The following ARHGAP28 variants were observed in gnomAD, a reference collection of about 807,000 sequenced individuals.
ARHGAP28 encodes the protein rho GTPase-activating protein 28.
ARHGAP28 carries 56 observed loss-of-function variants against 90.7 expected under a neutral mutation model. That is an observed-to-expected ratio of 0.62 (90% confidence interval 0.50 to 0.77). The LOEUF (loss-of-function observed/expected upper bound fraction) is 0.77. Among genes scored for constraint, ARHGAP28 ranks in the 30% least tolerant of loss-of-function variants. ARHGAP28 has a pLI of 0.00. For synonymous variants in ARHGAP28, 308 were observed against 323.3 expected (o/e 0.95, Z 0.51); for missense variants, 869 against 900.9 (o/e 0.96, Z 0.45).
intron 1 of ARHGAP28, among the ~76,000 whole-genome samples, chr18:6,743,115 A>G (rs2055993653): frequency 6.6e-6 from 1 of 152,176 alleles, no homozygotes; most frequent in Admixed American, 6.5e-5. Context: ...GTGAGAAGGA[A>G]GAGAGAGAAG....
At chr18:6,871,652 G>A (rs2057090841) in intron 7 of ARHGAP28, among the ~76,000 whole-genome samples, 2 of 152,158 alleles carry the variant, frequency 1.3e-5, no homozygotes, top group South Asian at 2.1e-4. Flanking sequence ...AGTTTATCTT[G>A]TGGAGTCCTG....
intron 1 of ARHGAP28, among the ~76,000 whole-genome samples, chr18:6,802,380 C>G (rs1445013301): frequency 8.8e-6 from 1 of 113,308 alleles, no homozygotes; most frequent in Non-Finnish European, 1.7e-5. Context: ...GAGTCTCACT[C>G]TGTTGCCCAG....
intron 1 of ARHGAP28, among the ~76,000 whole-genome samples, chr18:6,818,154 T>C (rs1218074523): frequency 6.6e-6 from 1 of 152,160 alleles, no homozygotes; most frequent in East Asian, 1.9e-4. Flanking sequence ...TTTTACTGTT[T>C]AGGAAATGGA....
intron 1 of ARHGAP28, among the ~76,000 whole-genome samples, chr18:6,799,252 G>C (rs1600194855): frequency 6.6e-6 from 1 of 152,104 alleles, no homozygotes; most frequent in South Asian, 2.1e-4. Flanking sequence ...CAAAAAAATG[G>C]AAAAACATTC....
intron 1 of ARHGAP28, among the ~76,000 whole-genome samples, chr18:6,765,874 T>C (rs965178512): frequency 1.3e-5 from 2 of 152,230 alleles, no homozygotes; most frequent in African/African-American, 4.8e-5. Context: ...CTTTGACTTT[T>C]CAGGATATTT....
At chr18:6,850,938 A>G in intron 3 of ARHGAP28, 96 bp from the exon 4 acceptor site, 2 of 1,556,426 alleles carry the variant, frequency 1.3e-6, no homozygotes, top group East Asian at 2.3e-5. Flanking sequence ...GCAGCTGTAC[A>G]TATATATAAA....
At chr18:6,841,167 C>CCTCTCTCTCTCTCCTCTCTCTCTCTCT (rs2056811361) in intron 3 of ARHGAP28, among the ~76,000 whole-genome samples, 2 of 79,936 alleles carry the variant, frequency 2.5e-5, no homozygotes, top group Non-Finnish European at 5.2e-5. Flanking sequence ...TTCTCTCTCT[C>CCTCTCTCTCTCTCCTCTCTCTCTCTCT]CTCTCTCTCT....
intron 16 of ARHGAP28, 43 bp downstream of exon 16, chr18:6,896,669 C>G: frequency 1.2e-6 from 2 of 1,605,838 alleles, no homozygotes; most frequent in East Asian, 4.5e-5. Context: ...GAAGGAAAAA[C>G]CTTTATCAGA....
chr18:6,859,914 A>G lies in ARHGAP28; in HGVS notation c.726+17A>G, dbSNP rs974318015. 1.2e-6 allele frequency: 2 copies of G among 1,607,970 alleles called. No individual in the cohort carries two copies. Among genetic ancestry groups the G allele is most frequent in the Non-Finnish European group, 1.7e-6 (2 of 1,174,536 alleles). On this transcript the variant is annotated intron_variant, in intron 5 of 17. Coordinates refer to ENST00000383472, the MANE Select transcript of ARHGAP28 (RefSeq NM_001366230.1). ...GACTCTGTGGTAAGTCATCCATGTC[A>G]GCACAGTTACATGTCAAGGTACAGT... is the stretch of plus-strand genomic sequence containing the variant.
chr18:6,800,566 G>A (rs2056474601), intron 1 of ARHGAP28, among the ~76,000 whole-genome samples: 1 of 152,164 alleles, frequency 6.6e-6, no homozygotes, highest in African/African-American at 2.4e-5. Context: ...GCAGGGACAT[G>A]GATGAAGCTG....
chr18:6,782,592 A>ATTTTTTTTTTTTTTTTTT (rs10602816), intron 1 of ARHGAP28, among the ~76,000 whole-genome samples: 2 of 26,692 alleles, frequency 7.5e-5, no homozygotes, highest in African/African-American at 2.0e-4. Context: ...TAATTTTTGT[A>ATTTTTTTTTTTTTTTTTT]TTTTTTTTTT....
chr18:6,859,662 A>G, intron 4 of ARHGAP28, 146 bp from the exon 5 acceptor site: 1 of 774,834 alleles, frequency 1.3e-6, no homozygotes, highest in East Asian at 2.6e-5. Flanking sequence ...GTGCTGCACT[A>G]CCAGTTGGAT....
At chr18:6,870,471 T>C (rs990639175) in intron 6 of ARHGAP28, 119 bp from the exon 7 acceptor site, 6 of 1,058,356 alleles carry the variant, frequency 5.7e-6, no homozygotes, top group Non-Finnish European at 7.0e-6. Flanking sequence ...TCCTCGCATA[T>C]AAACACTGTA....
At chr18:6,910,740 C>T (rs936498577) in intron 17 of ARHGAP28, among the ~76,000 whole-genome samples, 2 of 152,076 alleles carry the variant, frequency 1.3e-5, no homozygotes, top group Admixed American at 6.6e-5. Context: ...AAACCCAGCC[C>T]CTAGAATAGT....
intron 4 of ARHGAP28, among the ~76,000 whole-genome samples, chr18:6,857,733 A>G (rs2056965068): frequency 6.6e-6 from 1 of 152,238 alleles, no homozygotes. Context: ...GGTGTTCTGC[A>G]AGGCAGAAGC....
intron 2 of ARHGAP28, among the ~76,000 whole-genome samples, chr18:6,826,432 G>C (rs1246996939): frequency 6.7e-6 from 1 of 149,624 alleles, no homozygotes; most frequent in East Asian, 2.0e-4. Flanking sequence ...TTGGTTGTCT[G>C]TTTACTCTGT....
In ARHGAP28 at chr18:6,870,577, G is replaced by A. The variant is rs2057075773; in HGVS notation, c.812-13G>A. ...GCATATTAAATAGTCTGTATTCTTTGTTTTGTCTTTAGATGATGATTTTCT... is the reference window on the plus strand; with the variant it reads ...GCATATTAAATAGTCTGTATTCTTTATTTTGTCTTTAGATGATGATTTTCT... On this transcript the variant is annotated splice_polypyrimidine_tract_variant and intron_variant, in intron 6 of 17. Coordinates refer to ENST00000383472, the MANE Select transcript of ARHGAP28 (RefSeq NM_001366230.1). The A allele has an allele frequency of 1.3e-6, 2 of 1,599,196 alleles. No individual in the cohort carries two copies. Among genetic ancestry groups the A allele is most frequent in the Non-Finnish European group, 1.7e-6 (2 of 1,171,242 alleles).
chr18:6,867,672 G>C (rs1420435840), intron 5 of ARHGAP28, among the ~76,000 whole-genome samples: 1 of 152,114 alleles, frequency 6.6e-6, no homozygotes, highest in Non-Finnish European at 1.5e-5. Context: ...ATCACTCTGT[G>C]TTTTGCTGTG....
chr18:6,732,485 T>A (rs2055890624), intron 1 of ARHGAP28, among the ~76,000 whole-genome samples: 1 of 152,058 alleles, frequency 6.6e-6, no homozygotes, highest in South Asian at 2.1e-4. Flanking sequence ...AAATCTGGAT[T>A]TTTAGCTAAC....
Sources: gnomAD v4.1 joint callset for allele counts (sites outside exome capture counted in the v4.1 genomes callset) on GRCh38, gnomAD v4.1.1 for gene constraint, MANE v1.5 for transcripts, NCBI Gene and HGNC (gene_info 2026-07-23, HGNC 2026-07-21) for gene names.